Variants in LSM14A observed in about 807,000 individuals in gnomAD.
The protein encoded by LSM14A is protein LSM14 homolog A.
In LSM14A, 14 loss-of-function variants were observed where a neutral mutation model predicts 52.4. The observed-to-expected ratio is 0.27, with a 90% CI of 0.18 to 0.42. The LOEUF (loss-of-function observed/expected upper bound fraction) is 0.42, where lower values mean the gene tolerates loss of function less well. LSM14A is among the 10% of genes least tolerant of loss of function. The pLI is 1.00. For missense variants in LSM14A, 417 were observed against 581.8 expected, an observed-to-expected ratio of 0.72 and a Z score of 2.91; for synonymous variants, 185 against 200.3, an observed-to-expected ratio of 0.92 and a Z score of 0.64.
chr19:34,227,701 G>T lies in LSM14A; in HGVS notation c.*313G>T. The T allele has an allele frequency of 3.7e-6, 1 of 273,104 alleles. No individual in the cohort carries two copies. Among genetic ancestry groups the T allele is most frequent in the East Asian group, 7.4e-5 (1 of 13,588 alleles). 16.9% of individuals were successfully genotyped at this position (273,104 alleles called of 1,614,324 possible). On this transcript the variant is annotated 3_prime_UTR_variant, in exon 10 of 10. Transcript: ENST00000544216. ...AACAAGTATTTTTTCATCACTGAAA[G>T]GTTTTTTTTTTTTATCACTAAATTG...
chr19:34,203,654 T>A (rs1208885453), intron 3 of LSM14A, among the ~76,000 whole-genome samples: 1 of 151,672 alleles, frequency 6.6e-6, no homozygotes, highest in Non-Finnish European at 1.5e-5. Context: ...ACAAAAAAAA[T>A]GAGCCGGGCT....
chr19:34,209,300 CA>C (rs893314486), intron 4 of LSM14A, among the ~76,000 whole-genome samples: 8 of 151,998 alleles, frequency 5.3e-5, no homozygotes, highest in Admixed American at 1.3e-4. Flanking sequence ...ACTTTTTTTG[CA>C]AAGCAATTAT....
intron 1 of LSM14A, among the ~76,000 whole-genome samples, chr19:34,193,241 C>T (rs1301108184): frequency 1.3e-5 from 2 of 152,226 alleles, no homozygotes; most frequent in African/African-American, 2.4e-5. Context: ...CAGCCTCAAT[C>T]TCCCAGGCTC....
chr19:34,227,438 C>T lies in LSM14A; in HGVS notation c.*50C>T. ...GGTGAATTTCTAGCTCTTCATGGTC[C>T]TGAACATTGATTTCAGTCTTTGCAA... On this transcript the variant is annotated 3_prime_UTR_variant, in exon 10 of 10. Coordinates refer to ENST00000544216, the MANE Select transcript of LSM14A (RefSeq NM_015578.4). The T allele has an allele frequency of 7.3e-7, 1 of 1,375,132 alleles. No individual in the cohort carries two copies. Among genetic ancestry groups the T allele is most frequent in the Non-Finnish European group, 1.0e-6 (1 of 998,736 alleles). 85.2% of individuals were successfully genotyped at this position (1,375,132 alleles called of 1,614,324 possible).
intron 1 of LSM14A, among the ~76,000 whole-genome samples, chr19:34,193,193 C>G (rs1398388775): frequency 1.3e-5 from 2 of 152,130 alleles, no homozygotes; most frequent in East Asian, 3.8e-4. Context: ...TAGGGTCTTG[C>G]TGTGTCACCC....
rs2070861248 is a variant in LSM14A at position 34,196,663 on chromosome 19, C to G, written c.315C>G (p.Phe105Leu). 4 of 1,612,032 alleles carry G rather than the reference C, an allele frequency of 2.5e-6. No individual in the cohort carries two copies. In the East Asian group the frequency reaches 8.9e-5, roughly 36 times the overall value. ...CACTAGGCTCATCGACTTCTTCATT[C>G]CAGTCCATGGGTTCTTATGGACCTT... ...QSSLGSSTSS[F>L]QSMGSYGPFG... is the part of the protein sequence containing the mutation. The change falls in exon 3 of 10, where the codon TTC becomes TTG. Residue 105 changes from phenylalanine to leucine, a missense_variant. Transcript: ENST00000544216.
chr19:34,196,588 A>T, intron 2 of LSM14A, 46 bp from the exon 3 acceptor site: 1 of 1,538,570 alleles, frequency 6.5e-7, no homozygotes, highest in Non-Finnish European at 8.7e-7. Context: ...TTCGTTATAT[A>T]CATGTTGCTT....
intron 1 of LSM14A, among the ~76,000 whole-genome samples, chr19:34,192,632 C>CAAAAAAAAAAAAAAAAAA (rs548374017): frequency 2.6e-5 from 2 of 76,950 alleles, no homozygotes; most frequent in African/African-American, 4.9e-5. Context: ...ATCAGTTCTG[C>CAAAAAAAAAAAAAAAAAA]AAAAAAAAAA....
At chr19:34,226,373 CTCTTTT>C in intron 9 of LSM14A, 2 of 1,282,708 alleles carry the variant, frequency 1.6e-6, no homozygotes, top group African/African-American at 1.7e-5. Flanking sequence ...CCATCTCTTT[CTCTTTT>C]TTTTTTTTTT....
rs532042603 is a variant in LSM14A at position 34,191,001 on chromosome 19, C to G, written c.122-3477C>G. On this transcript the variant is annotated intron_variant, in intron 1 of 9. Coordinates refer to ENST00000544216, the MANE Select transcript of LSM14A (RefSeq NM_015578.4). ...AATTATATTTTTCTTATTCTTTTGT[C>G]TATCTCAGGGGCAGCAGTTAACTGT... Among the ~76,000 whole-genome samples the G allele has an allele frequency of 5.9e-5, 9 of 151,986 alleles. No individual in the cohort carries two copies. In the South Asian group the frequency reaches 1.9e-3, roughly 32 times the overall value.
At chr19:34,172,844 C>G (rs1033738152) in intron 1 of LSM14A, 81 bp downstream of exon 1, 16 of 1,435,372 alleles carry the variant, frequency 1.1e-5, no homozygotes, top group Admixed American at 3.3e-5. Flanking sequence ...GCGGCCTCCT[C>G]GTTCCCTCCC....
chr19:34,196,567 G>C, intron 2 of LSM14A, 67 bp from the exon 3 acceptor site: 2 of 1,459,616 alleles, frequency 1.4e-6, no homozygotes, highest in Non-Finnish European at 1.8e-6. Context: ...TAAAAATCTG[G>C]AATTTTTTTT....
chr19:34,219,881 C>T lies in LSM14A; in HGVS notation c.1136+4C>T. Reference sequence around the variant, plus strand: ...ATATTTCTTGTGATGACAATAGGTACAGTTTTTAAGCTGTTCTTTTATCTT... The same window carrying T: ...ATATTTCTTGTGATGACAATAGGTATAGTTTTTAAGCTGTTCTTTTATCTT... On this transcript the variant is annotated splice_donor_region_variant and intron_variant, in intron 8 of 9. Coordinates refer to ENST00000544216, the MANE Select transcript of LSM14A (RefSeq NM_015578.4). The T allele has an allele frequency of 6.3e-7, 1 of 1,593,644 alleles. No individual in the cohort carries two copies. Among genetic ancestry groups the T allele is most frequent in the East Asian group, 2.2e-5 (1 of 44,774 alleles).
chr19:34,215,391 T>C (rs1272854149), intron 5 of LSM14A, 91 bp downstream of exon 5: 2 of 1,298,064 alleles, frequency 1.5e-6, no homozygotes, highest in African/African-American at 3.0e-5. Flanking sequence ...TTCATGTGAA[T>C]GATCCCAGAA....
intron 3 of LSM14A, among the ~76,000 whole-genome samples, chr19:34,207,655 C>T (rs949274417): frequency 6.6e-6 from 1 of 152,014 alleles, no homozygotes; most frequent in Non-Finnish European, 1.5e-5. Flanking sequence ...CCTCAGCCTC[C>T]TGAGTAGCTG....
intron 1 of LSM14A, among the ~76,000 whole-genome samples, chr19:34,182,573 C>T (rs1599661949): frequency 6.6e-6 from 1 of 151,270 alleles, no homozygotes; most frequent in East Asian, 1.9e-4. Context: ...CGCGGTGGCT[C>T]ATGCCTGTAA....
At position 34,223,326 on chromosome 19, in the gene LSM14A, G is replaced by A. The variant is rs58409973; in HGVS notation, c.1368+1588G>A. On this transcript the variant is annotated intron_variant, in intron 9 of 9. Coordinates refer to ENST00000544216, the MANE Select transcript of LSM14A (RefSeq NM_015578.4). ...TGGTCTTGAACTCCTGGGCTTAAGC[G>A]ATCCTCTCACCTCAGCTTCCCAAAG... Among the ~76,000 whole-genome samples the A allele has an allele frequency of 4.2e-3, 634 of 152,208 alleles. 6 individuals carry two copies. The highest frequency in any genetic ancestry group is 0.014 in the African/African-American group (599 of 41,526).
chr19:34,227,570 G>A lies in LSM14A; in HGVS notation c.*182G>A. On this transcript the variant is annotated 3_prime_UTR_variant, in exon 10 of 10. Transcript: ENST00000544216. The stretch of plus-strand genomic sequence containing the variant: ...AGATAAAATGCAGTTACTTTTGGGG[G>A]TGGAAGGCTCATCTTAAAACATGAG... 1 of 518,326 alleles carries A rather than the reference G, an allele frequency of 1.9e-6. No individual in the cohort carries two copies. Among genetic ancestry groups the A allele is most frequent in the Non-Finnish European group, 3.4e-6 (1 of 292,160 alleles). The allele number at this position is 518,326 out of a possible 1,614,324, so 32.1% of individuals were successfully genotyped here. A position where few individuals can be genotyped will look rare whatever the true frequency, so the allele number is the denominator to read the frequency against.
At chr19:34,202,879 G>A (rs111401054) in intron 3 of LSM14A, among the ~76,000 whole-genome samples, 1 of 151,992 alleles carries the variant, frequency 6.6e-6, no homozygotes, top group Non-Finnish European at 1.5e-5. Flanking sequence ...GGATGGTCTC[G>A]ATCTCCTGAC....
Sources: allele counts gnomAD v4.1 joint callset (sites outside exome capture counted in the v4.1 genomes callset), GRCh38; gene constraint gnomAD v4.1.1; transcripts MANE v1.5; gene names NCBI Gene and HGNC (gene_info 2026-07-23, HGNC 2026-07-21).